The following EIF2B1 variants were observed in gnomAD, a reference collection of about 807,000 sequenced individuals.
The protein encoded by EIF2B1 is translation initiation factor eIF2B subunit alpha.
EIF2B1 carries 30 observed loss-of-function variants against 36.8 expected under a neutral mutation model. The ratio of observed to expected loss-of-function variants is 0.81; its 90% confidence interval spans 0.61 to 1.10. The LOEUF is 1.10. Among genes scored for constraint, EIF2B1 ranks in the 50% least tolerant of loss-of-function variants. The pLI is 0.00. For synonymous variants in EIF2B1, 139 were observed against 142.2 expected (o/e 0.98, Z 0.16); for missense variants, 271 against 374.8 (o/e 0.72, Z 2.29).
At chr12:123,624,686 C>G (rs1955134974) in intron 7 of EIF2B1, 101 bp downstream of exon 7, 3 of 1,009,552 alleles carry the variant, frequency 3.0e-6, no homozygotes, top group Non-Finnish European at 4.7e-6. Context: ...TGAAGTGAAG[C>G]AGGATTAGAA....
In EIF2B1 at chr12:123,630,151, T is replaced by G. The variant is rs944357736; in HGVS notation, c.369+18A>C. Reference sequence around the variant, plus strand: ...AAACCGTTGCTCCTCCTTACCACCATGATGATTATCCACTCACCGCTCCAT... The same window carrying G: ...AAACCGTTGCTCCTCCTTACCACCAGGATGATTATCCACTCACCGCTCCAT... On this transcript the variant is annotated intron_variant, in intron 4 of 8. Coordinates refer to ENST00000424014, the MANE Select transcript of EIF2B1 (RefSeq NM_001414.4). The surrounding 1 kb of genome is among the most constrained non-coding windows in gnomAD (Gnocchi z 4.6). 1 of 1,609,464 alleles carries G rather than the reference T, an allele frequency of 6.2e-7. No individual in the cohort carries two copies. Among genetic ancestry groups the G allele is most frequent in the Non-Finnish European group, 8.5e-7 (1 of 1,176,288 alleles).
chr12:123,623,600 G>A (rs950842385), intron 7 of EIF2B1, among the ~76,000 whole-genome samples: 4 of 151,894 alleles, frequency 2.6e-5, no homozygotes, highest in African/African-American at 9.7e-5. Flanking sequence ...AGCCTGCCAA[G>A]TAGCTGGGAT....
At chr12:123,632,283 A>AAG in intron 2 of EIF2B1, 62 bp downstream of exon 2, 1 of 1,124,846 alleles carries the variant, frequency 8.9e-7, no homozygotes, top group African/African-American at 1.6e-5. Flanking sequence ...AAAAAAAAAA[A>AAG]AAGAAAAGAA....
chr12:123,625,457 T>C (rs1002575068), intron 6 of EIF2B1, among the ~76,000 whole-genome samples: 6 of 152,108 alleles, frequency 3.9e-5, no homozygotes, highest in African/African-American at 1.4e-4. Context: ...CTCCAACTCC[T>C]GAACTCTAGC....
intron 7 of EIF2B1, among the ~76,000 whole-genome samples, chr12:123,623,804 C>T (rs1955126686): frequency 6.6e-6 from 1 of 152,066 alleles, no homozygotes; most frequent in Non-Finnish European, 1.5e-5. Context: ...CTAAAAAAAG[C>T]TTTCATGAAG....
chr12:123,628,141 G>C (rs180867090), intron 4 of EIF2B1, among the ~76,000 whole-genome samples: 2 of 151,836 alleles, frequency 1.3e-5, no homozygotes, highest in Admixed American at 1.3e-4. Flanking sequence ...CTGTAGCCTC[G>C]ACATCCTGGG....
At chr12:123,625,782 G>A (rs1394334186) in intron 6 of EIF2B1, among the ~76,000 whole-genome samples, 1 of 152,160 alleles carries the variant, frequency 6.6e-6, no homozygotes, top group Non-Finnish European at 1.5e-5. Context: ...CAGAAATACA[G>A]AGCCCTGATT....
At chr12:123,623,620 C>A (rs1955125006) in intron 7 of EIF2B1, among the ~76,000 whole-genome samples, 1 of 151,762 alleles carries the variant, frequency 6.6e-6, no homozygotes, top group South Asian at 2.1e-4. Context: ...TTACAGGCAC[C>A]CGCCACCATG....
intron 4 of EIF2B1, 85 bp from the exon 5 acceptor site, chr12:123,627,241 C>T (rs1955156202): frequency 5.1e-6 from 5 of 989,646 alleles, no homozygotes; most frequent in Non-Finnish European, 8.1e-6. Context: ...GTTCCCGACA[C>T]CCTAAGCATC....
chr12:123,630,047 G>A lies in EIF2B1; in HGVS notation c.369+122C>T, dbSNP rs1955176268. Reference sequence around the variant, plus strand: ...ATTTAACAGATGAGAAAGCTGCACAGACAGGTTAAGTTACTTGTTCAAGTC... The same window carrying A: ...ATTTAACAGATGAGAAAGCTGCACAAACAGGTTAAGTTACTTGTTCAAGTC... On this transcript the variant is annotated intron_variant, in intron 4 of 8. Transcript: ENST00000424014. The surrounding 1 kb of genome is among the most constrained non-coding windows in gnomAD (Gnocchi z 4.6). The A allele has an allele frequency of 2.4e-6, 2 of 843,572 alleles. No homozygotes were observed. The highest frequency in any genetic ancestry group is 3.3e-5 in the African/African-American group (2 of 60,256). The allele number at this position is 843,572 out of a possible 1,614,324, so 52.3% of individuals were successfully genotyped here. A position where few individuals can be genotyped will look rare whatever the true frequency, so the allele number is the denominator to read the frequency against.
Position 123,622,676 on chromosome 12 carries a change from A to G in EIF2B1, c.713T>C (p.Leu238Pro), listed in dbSNP as rs553936477. The G allele has an allele frequency of 1.9e-6, 3 of 1,614,226 alleles. No homozygotes were observed. The highest frequency in any genetic ancestry group is 2.2e-5 in the South Asian group (2 of 91,090). ...GACGTCTTGCTGGTTTAGTGGAAAG[A>G]GCCGGACAAACTTGAAACTTTCTGC... is the stretch of plus-strand genomic sequence containing the variant. ...VVAESFKFVR[L>P]FPLNQQDVPD... is the part of the protein sequence containing the mutation. The change falls in exon 8 of 9, where the codon CTC becomes CCC. Residue 238 changes from leucine to proline, a missense_variant. Coordinates refer to ENST00000424014, the MANE Select transcript of EIF2B1 (RefSeq NM_001414.4).
chr12:123,632,458 G>A lies in EIF2B1; in HGVS notation c.14-12C>T, dbSNP rs1422633220. ...GTATTCAATTAACTCTGGAAAAAGGGAAAAAAGTGATTCACCTAATTCATT... is the reference window on the plus strand; with the variant it reads ...GTATTCAATTAACTCTGGAAAAAGGAAAAAAAGTGATTCACCTAATTCATT... On this transcript the variant is annotated splice_polypyrimidine_tract_variant and intron_variant, in intron 1 of 8. Transcript: ENST00000424014. 5 of 1,575,804 alleles carry A rather than the reference G, an allele frequency of 3.2e-6. No individual in the cohort carries two copies. The highest frequency in any genetic ancestry group is 4.4e-6 in the Non-Finnish European group (5 of 1,146,664).
chr12:123,620,629 A>ATAG lies in EIF2B1; in HGVS notation c.*1126_*1127insCTA, dbSNP rs1566211855. 2.5e-4 allele frequency: 15 copies of ATAG among 60,860 alleles called. 1 individual carries two copies. The highest frequency in any genetic ancestry group is 7.7e-4 in the African/African-American group (14 of 18,244). The allele number at this position is 60,860 out of a possible 1,614,324, so 3.8% of individuals were successfully genotyped here. A position where few individuals can be genotyped will look rare whatever the true frequency, so the allele number is the denominator to read the frequency against. ...ATATATATATATATATATATATATA[A>ATAG]GCTCTTTTTTCTGAGGCTATTTTAT... On this transcript the variant is annotated 3_prime_UTR_variant, in exon 9 of 9. Coordinates refer to ENST00000424014, the MANE Select transcript of EIF2B1 (RefSeq NM_001414.4).
At chr12:123,631,609 C>A (rs1955188528) in intron 2 of EIF2B1, among the ~76,000 whole-genome samples, 1 of 151,694 alleles carries the variant, frequency 6.6e-6, no homozygotes, top group African/African-American at 2.4e-5. Context: ...GAGATCGAGA[C>A]CATTCTGGCT....
At chr12:123,622,868 G>C in intron 7 of EIF2B1, 107 bp from the exon 8 acceptor site, 1 of 1,553,132 alleles carries the variant, frequency 6.4e-7, no homozygotes, top group Non-Finnish European at 8.8e-7. Context: ...CCAGCATTTT[G>C]GGAGGCCGAG....
chr12:123,621,941 T>A, intron 8 of EIF2B1, 21 bp from the exon 9 acceptor site: 1 of 1,613,370 alleles, frequency 6.2e-7, no homozygotes, highest in East Asian at 2.2e-5. Flanking sequence ...AAGTACACAT[T>A]AGTCGGCACT....
intron 4 of EIF2B1, among the ~76,000 whole-genome samples, chr12:123,628,055 C>T (rs1955161490): frequency 6.6e-6 from 1 of 152,096 alleles, no homozygotes; most frequent in Admixed American, 6.6e-5. Context: ...TAGACATAAT[C>T]TGTTTTCTTT....
intron 4 of EIF2B1, among the ~76,000 whole-genome samples, chr12:123,628,646 G>A (rs1450861722): frequency 1.3e-5 from 2 of 152,110 alleles, no homozygotes; most frequent in African/African-American, 2.4e-5. Context: ...TTACAGGCAT[G>A]AGCCACCATG....
Position 123,624,818 on chromosome 12 carries a change from C to A in EIF2B1, c.596G>T (p.Gly199Val). ...AATAATTCCTCCGTTTTCAACAACT[C>A]CTTCAGCACCAACTATGACAAGATC... ...KADLVIVGAE[G>V]VVENGGIINK... The change falls in exon 7 of 9, where the codon GGA becomes GTA. Residue 199 changes from glycine to valine, a missense_variant. Coordinates refer to ENST00000424014, the MANE Select transcript of EIF2B1 (RefSeq NM_001414.4). 6.2e-7 allele frequency: 1 copy of A among 1,614,062 alleles called. No homozygotes were observed. Among genetic ancestry groups the A allele is most frequent in the South Asian group, 1.1e-5 (1 of 91,070 alleles).
Sources: gnomAD v4.1 joint callset for allele counts (sites outside exome capture counted in the v4.1 genomes callset) on GRCh38, gnomAD v4.1.1 for gene constraint, Gnocchi (gnomAD v3.1) non-coding constraint, MANE v1.5 for transcripts, NCBI Gene and HGNC (gene_info 2026-07-23, HGNC 2026-07-21) for gene names.